RCAN3: variants seen among roughly 807,000 people sequenced by gnomAD.
The protein encoded by RCAN3 is calcipressin-3.
RCAN3 carries 19 observed loss-of-function variants against 21.9 expected under a neutral mutation model. The ratio of observed to expected loss-of-function variants is 0.87; its 90% confidence interval spans 0.61 to 1.27. RCAN3 has a LOEUF of 1.27. Among genes scored for constraint, RCAN3 ranks in the 50% most tolerant of loss-of-function variants. The probability of loss-of-function intolerance (pLI) is 0.00; values close to 1 mark genes in which losing one functional copy is unlikely to be tolerated. For synonymous variants in RCAN3, 114 were observed against 112.3 expected, an observed-to-expected ratio of 1.01 and a Z score of -0.09; for missense variants, 240 against 300.1, an observed-to-expected ratio of 0.80 and a Z score of 1.48.
At chr1:24,505,753 A>G (rs753301009) in intron 1 of RCAN3, among the ~76,000 whole-genome samples, 30 of 152,284 alleles carry the variant, frequency 2.0e-4, no homozygotes, top group Admixed American at 3.9e-4. Flanking sequence ...ATTGTTTGGT[A>G]GCATTTTTAA....
intron 2 of RCAN3, among the ~76,000 whole-genome samples, chr1:24,519,476 G>A (rs1209233170): frequency 1.3e-5 from 2 of 152,120 alleles, no homozygotes; most frequent in Non-Finnish European, 2.9e-5. Flanking sequence ...TGTTTGAGGG[G>A]ACTCAGTAAA....
At chr1:24,507,578 A>G (rs1289492877) in intron 1 of RCAN3, 1 of 152,216 alleles carries the variant, frequency 6.6e-6, no homozygotes, top group Non-Finnish European at 1.5e-5. Flanking sequence ...TATAACAGAA[A>G]AATGAACCAA....
At chr1:24,508,911 A>G (rs1570444585) in intron 1 of RCAN3, among the ~76,000 whole-genome samples, 1 of 152,346 alleles carries the variant, frequency 6.6e-6, no homozygotes, top group Middle Eastern at 3.4e-3. Flanking sequence ...CTATAGTCCC[A>G]GTACTTTAGG....
chr1:24,507,983 C>T (rs1277074147), intron 1 of RCAN3, among the ~76,000 whole-genome samples: 5 of 152,290 alleles, frequency 3.3e-5, no homozygotes, highest in Non-Finnish European at 1.5e-5. Context: ...GAGGCTGAGG[C>T]AGGAGAATCG....
At chr1:24,506,950 T>G (rs1250266330) in intron 1 of RCAN3, among the ~76,000 whole-genome samples, 1 of 152,160 alleles carries the variant, frequency 6.6e-6, no homozygotes, top group Non-Finnish European at 1.5e-5. Context: ...CAGTATTTTC[T>G]CTACCTCTTT....
chr1:24,526,561 G>A (rs1649288317), intron 2 of RCAN3, among the ~76,000 whole-genome samples: 1 of 152,210 alleles, frequency 6.6e-6, no homozygotes, highest in Admixed American at 6.5e-5. Context: ...GATAGCTTCT[G>A]TCATACGATG....
At chr1:24,529,285 G>A (rs994605117) in intron 2 of RCAN3, among the ~76,000 whole-genome samples, 8 of 151,706 alleles carry the variant, frequency 5.3e-5, no homozygotes, top group African/African-American at 1.9e-4. Context: ...AGGCATGGTG[G>A]CTCATGCCTG....
chr1:24,507,601 C>T, intron 1 of RCAN3: 1 of 152,160 alleles, frequency 6.6e-6, no homozygotes, highest in East Asian at 1.9e-4. Context: ...ACTGTAAGAG[C>T]TAAGTCCACC....
intron 1 of RCAN3, among the ~76,000 whole-genome samples, chr1:24,505,321 C>T (rs1647359448): frequency 6.8e-6 from 1 of 147,138 alleles, no homozygotes; most frequent in Non-Finnish European, 1.5e-5. Context: ...CTCACTGCAG[C>T]CTTGGCCTCC....
At chr1:24,528,254 G>GAA (rs57400823) in intron 2 of RCAN3, among the ~76,000 whole-genome samples, 3,385 of 122,052 alleles carry the variant, frequency 0.028, 49 homozygotes, top group African/African-American at 0.053. Context: ...TGGAAAAAAA[G>GAA]AAAAAAAAAA....
intron 1 of RCAN3, among the ~76,000 whole-genome samples, chr1:24,513,632 G>A (rs1241730897): frequency 6.6e-6 from 1 of 152,164 alleles, no homozygotes; most frequent in Non-Finnish European, 1.5e-5. Context: ...ACTCCAGCCT[G>A]GGCAACACAA....
chr1:24,509,922 A>G (rs120315), intron 1 of RCAN3, among the ~76,000 whole-genome samples: 74,257 of 151,988 alleles, frequency 0.49, 18,402 homozygotes, highest in East Asian at 0.76. Flanking sequence ...TGGGCTGCAG[A>G]ATGGATATTG....
chr1:24,530,356 CAAAAA>C (rs56914359), intron 2 of RCAN3, among the ~76,000 whole-genome samples: 34,241 of 81,782 alleles, frequency 0.42, 5,140 homozygotes, highest in East Asian at 0.69. Flanking sequence ...CTCTTATCTC[CAAAAA>C]AAAAAAAAAA....
chr1:24,530,112 G>T (rs1360517589), intron 2 of RCAN3, among the ~76,000 whole-genome samples: 2 of 151,992 alleles, frequency 1.3e-5, no homozygotes, highest in African/African-American at 2.4e-5. Context: ...CAGCACTTTG[G>T]GAGGTCAAGG....
intron 4 of RCAN3, among the ~76,000 whole-genome samples, chr1:24,534,614 AG>A (rs1404569857): frequency 6.8e-6 from 1 of 146,658 alleles, no homozygotes; most frequent in Non-Finnish European, 1.5e-5. Flanking sequence ...CTCAAAAAAA[AG>A]AAAAAAAAAA....
In RCAN3 at chr1:24,531,998, A is replaced by T. The variant is rs551712434; in HGVS notation, c.369+607A>T. On this transcript the variant is annotated intron_variant, in intron 3 of 4. Coordinates refer to ENST00000374395, the MANE Select transcript of RCAN3 (RefSeq NM_013441.4). ...ACTCGTGTATTAAATGCACTGTTTT[A>T]TTTTCAAAACATTTTTTTCAGTCTC... Among the ~76,000 whole-genome samples the T allele has an allele frequency of 9.2e-5, 14 of 152,014 alleles. No homozygotes were observed. The East Asian group carries it at 2.7e-3, about 29-fold the overall frequency.
At chr1:24,532,777 T>C (rs1649876397) in intron 3 of RCAN3, among the ~76,000 whole-genome samples, 1 of 150,294 alleles carries the variant, frequency 6.7e-6, no homozygotes, top group South Asian at 2.1e-4. Context: ...TGCAACCCCG[T>C]CTCTACTAAA....
At position 24,535,174 on chromosome 1, in the gene RCAN3, A is replaced by G. The variant is rs140425934; in HGVS notation, c.623A>G (p.Glu208Gly). 7 of 1,595,516 alleles carry G rather than the reference A, an allele frequency of 4.4e-6. No individual in the cohort carries two copies. Among genetic ancestry groups the G allele is most frequent in the Non-Finnish European group, 5.1e-6 (6 of 1,173,718 alleles). ...GTCTGTGAAAGTGAAACTGAAGAGG[A>G]AGAAGAGACAAAAAACCCCAAACAG... Reference protein sequence around the residue: ...VHVCESETEEEEETKNPKQKI... With the variant: ...VHVCESETEEGEETKNPKQKI... The change falls in exon 5 of 5, where the codon GAA becomes GGA. Residue 208 changes from glutamate to glycine, a missense_variant. Glu to Gly is a moderately conservative substitution (Grantham distance 98). Coordinates refer to ENST00000374395, the MANE Select transcript of RCAN3 (RefSeq NM_013441.4).
Position 24,514,513 on chromosome 1 carries a change from C to G in RCAN3, c.141C>G (p.Thr47=), listed in dbSNP as rs778507882. The change falls in exon 2 of 5, where the codon ACC becomes ACG. Residue 47 remains threonine, a synonymous_variant. Transcript: ENST00000374395. ...TGATGGATTTAAGTGATCTGCCTACCTCACTTTTTGCTTGCAGCGTCCATG... is the reference window on the plus strand; with the variant it reads ...TGATGGATTTAAGTGATCTGCCTACGTCACTTTTTGCTTGCAGCGTCCATG... ...DEMMDLSDLP[T]SLFACSVHEA... 3 of 1,614,076 alleles carry G rather than the reference C, an allele frequency of 1.9e-6. No homozygotes were observed. Among genetic ancestry groups the G allele is most frequent in the Non-Finnish European group, 2.5e-6 (3 of 1,180,012 alleles).
Sources: allele counts gnomAD v4.1 joint callset (sites outside exome capture counted in the v4.1 genomes callset), GRCh38; gene constraint gnomAD v4.1.1; transcripts MANE v1.5; gene names NCBI Gene and HGNC (gene_info 2026-07-23, HGNC 2026-07-21).